Variants in GTF2F2 observed in about 807,000 individuals in gnomAD.
The protein encoded by GTF2F2 is general transcription factor IIF subunit 2, also known as ATP-dependent helicase GTF2F2.
GTF2F2 carries 23 observed loss-of-function variants against 42.2 expected under a neutral mutation model. The ratio of observed to expected loss-of-function variants is 0.55; its 90% CI spans 0.39 to 0.77. The LOEUF (loss-of-function observed/expected upper bound fraction) is 0.77. Ranked by LOEUF, GTF2F2 falls within the 30% of genes least tolerant of loss-of-function variation. The pLI is 0.00. For missense variants in GTF2F2, 261 were observed against 287.2 expected, an observed-to-expected ratio of 0.91 and a Z score of 0.66; for synonymous variants, 105 against 100.8, an observed-to-expected ratio of 1.04 and a Z score of -0.25.
chr13:45,229,428 A>G (rs905667768), intron 5 of GTF2F2, among the ~76,000 whole-genome samples: 1 of 151,978 alleles, frequency 6.6e-6, no homozygotes, highest in African/African-American at 2.4e-5. Context: ...TTGTCTCTCC[A>G]TGGCAGCTCT....
chr13:45,181,265 C>CT (rs1220195829), intron 4 of GTF2F2, among the ~76,000 whole-genome samples: 53 of 151,186 alleles, frequency 3.5e-4, no homozygotes, highest in African/African-American at 1.2e-3. Context: ...ATACCTCCCT[C>CT]TCTTCTTCTT....
intron 6 of GTF2F2, among the ~76,000 whole-genome samples, chr13:45,259,759 G>T (rs1463733967): frequency 7.2e-6 from 1 of 139,088 alleles, no homozygotes; most frequent in African/African-American, 2.7e-5. Flanking sequence ...CCGGATTCAT[G>T]CCATTCTCCT....
chr13:45,270,258 G>T (rs1876733213), intron 7 of GTF2F2, among the ~76,000 whole-genome samples: 1 of 152,078 alleles, frequency 6.6e-6, no homozygotes, highest in Non-Finnish European at 1.5e-5. Flanking sequence ...TCATCAAGGA[G>T]GCCAAGCTTT....
intron 4 of GTF2F2, chr13:45,193,954 C>T (rs1406823830): frequency 6.2e-7 from 1 of 1,614,040 alleles, no homozygotes; most frequent in Non-Finnish European, 8.5e-7. Context: ...AAGTCGAGTG[C>T]CATTTTCAGA....
At position 45,190,657 on chromosome 13, in the gene GTF2F2, G is replaced by A. The variant is rs139742803; in HGVS notation, c.305-16767G>A. ...AATGTATGTTCCTAGCATGGTATCCGGCATATAGTAAAATGCTTAATAAAT... is the reference window on the plus strand; with the variant it reads ...AATGTATGTTCCTAGCATGGTATCCAGCATATAGTAAAATGCTTAATAAAT... On this transcript the variant is annotated intron_variant, in intron 4 of 7. Transcript: ENST00000340473. Among the ~76,000 whole-genome samples the A allele has an allele frequency of 7.6e-3, 1,158 of 152,174 alleles. 19 individuals are homozygous for A. Among genetic ancestry groups the A allele is most frequent in the African/African-American group, 0.026 (1,096 of 41,498 alleles).
At chr13:45,205,038 AAGT>A (rs1873357665) in intron 4 of GTF2F2, among the ~76,000 whole-genome samples, 3 of 152,112 alleles carry the variant, frequency 2.0e-5, no homozygotes, top group Admixed American at 2.0e-4. Flanking sequence ...CTTTAACTGA[AAGT>A]TAAATTCAGC....
chr13:45,231,816 G>A (rs1874701458), intron 5 of GTF2F2, among the ~76,000 whole-genome samples: 1 of 152,078 alleles, frequency 6.6e-6, no homozygotes, highest in Non-Finnish European at 1.5e-5. Flanking sequence ...CATACTGCCA[G>A]GTATTTCCCA....
intron 5 of GTF2F2, among the ~76,000 whole-genome samples, chr13:45,211,578 A>AC (rs1873643844): frequency 7.2e-6 from 1 of 139,614 alleles, no homozygotes; most frequent in Non-Finnish European, 1.6e-5. Flanking sequence ...CAAGCTCAAA[A>AC]AAAAAAAATT....
intron 4 of GTF2F2, among the ~76,000 whole-genome samples, chr13:45,172,111 A>G (rs1871627218): frequency 6.6e-6 from 1 of 152,144 alleles, no homozygotes; most frequent in African/African-American, 2.4e-5. Flanking sequence ...TCTTGTATAT[A>G]TACCTAGGAG....
chr13:45,168,373 A>C (rs563812684), intron 4 of GTF2F2, among the ~76,000 whole-genome samples: 5 of 152,356 alleles, frequency 3.3e-5, no homozygotes, highest in African/African-American at 1.2e-4. Context: ...CAGAAATGCC[A>C]GGATTTTAAC....
chr13:45,143,098 G>GA (rs11298005), intron 2 of GTF2F2, among the ~76,000 whole-genome samples: 4 of 151,534 alleles, frequency 2.6e-5, no homozygotes, highest in South Asian at 2.1e-4. Flanking sequence ...CAGAAAGCTG[G>GA]AAAAAAAAAT....
intron 4 of GTF2F2, among the ~76,000 whole-genome samples, chr13:45,157,664 C>T (rs1870828482): frequency 6.6e-6 from 1 of 152,156 alleles, no homozygotes; most frequent in African/African-American, 2.4e-5. Context: ...GGGTCTCATC[C>T]TGGGCTCAGG....
chr13:45,149,022 G>A (rs1233261794), intron 2 of GTF2F2, among the ~76,000 whole-genome samples: 2 of 152,040 alleles, frequency 1.3e-5, no homozygotes. Flanking sequence ...TTAAGATTTT[G>A]TTAGGTAAAT....
chr13:45,234,290 A>G (rs904981074), intron 5 of GTF2F2, among the ~76,000 whole-genome samples: 2 of 152,216 alleles, frequency 1.3e-5, no homozygotes, highest in African/African-American at 4.8e-5. Flanking sequence ...TGTAGTTTTT[A>G]TAGGATATAA....
chr13:45,127,270 A>G (rs1407359539), intron 1 of GTF2F2, among the ~76,000 whole-genome samples: 1 of 152,034 alleles, frequency 6.6e-6, no homozygotes, highest in African/African-American at 2.4e-5. Context: ...AGACAGTGCA[A>G]TATGAGCTGC....
At chr13:45,175,246 A>G (rs995289060) in intron 4 of GTF2F2, among the ~76,000 whole-genome samples, 3 of 152,222 alleles carry the variant, frequency 2.0e-5, no homozygotes, top group Admixed American at 1.3e-4. Flanking sequence ...CTCTAGGCTC[A>G]TACATGTTGC....
intron 5 of GTF2F2, among the ~76,000 whole-genome samples, chr13:45,252,463 T>C (rs1210584941): frequency 6.6e-6 from 1 of 152,208 alleles, no homozygotes; most frequent in Non-Finnish European, 1.5e-5. Context: ...TCTCTTTTTA[T>C]TTACCTTTAT....
intron 4 of GTF2F2, among the ~76,000 whole-genome samples, chr13:45,182,470 AGT>A (rs1166916211): frequency 6.6e-6 from 1 of 152,070 alleles, no homozygotes; most frequent in Non-Finnish European, 1.5e-5. Context: ...TGTGATCTTA[AGT>A]GTTTTTTAAA....
intron 5 of GTF2F2, among the ~76,000 whole-genome samples, chr13:45,248,036 G>A: frequency 6.6e-6 from 1 of 151,878 alleles, no homozygotes; most frequent in East Asian, 1.9e-4. Flanking sequence ...ATAGAAACGG[G>A]GTTTCACCAT....
Sources: allele counts gnomAD v4.1 joint callset (sites outside exome capture counted in the v4.1 genomes callset), GRCh38; gene constraint gnomAD v4.1.1; transcripts MANE v1.5; gene names NCBI Gene and HGNC (gene_info 2026-07-23, HGNC 2026-07-21).